CKLF: variants seen among roughly 807,000 people sequenced by gnomAD.
The protein encoded by CKLF is chemokine-like factor.
CKLF carries 16 observed loss-of-function variants against 12.9 expected under a neutral mutation model. The ratio of observed to expected loss-of-function variants is 1.24; its 90% confidence interval spans 0.84 to 1.88. The LOEUF (loss-of-function observed/expected upper bound fraction) is 1.88. Among genes scored for constraint, CKLF ranks in the 40% most tolerant of loss-of-function variants. The probability of loss-of-function intolerance (pLI) is 0.00; values close to 1 mark genes in which losing one functional copy is unlikely to be tolerated. For synonymous variants in CKLF, 61 were observed against 69.0 expected, an observed-to-expected ratio of 0.88 and a Z score of 0.57; for missense variants, 172 against 188.5, an observed-to-expected ratio of 0.91 and a Z score of 0.51.
intron 1 of CKLF, among the ~76,000 whole-genome samples, chr16:66,557,962 C>A (rs545282633): frequency 6.6e-6 from 1 of 152,212 alleles, no homozygotes; most frequent in African/African-American, 2.4e-5. Context: ...ATGGCAGAAA[C>A]CCCAGTATCT....
chr16:66,555,541 C>A (rs2011405996), intron 1 of CKLF, among the ~76,000 whole-genome samples: 1 of 152,166 alleles, frequency 6.6e-6, no homozygotes, highest in Non-Finnish European at 1.5e-5. Context: ...TCACCATCCA[C>A]TGAGATGAGA....
chr16:66,562,781 C>T (rs575050217), intron 2 of CKLF, among the ~76,000 whole-genome samples: 16 of 152,306 alleles, frequency 1.1e-4, no homozygotes, highest in South Asian at 4.1e-4. Context: ...AGTGCAGTGG[C>T]ATGATCTCAG....
chr16:66,565,126 G>A (rs878895792), intron 3 of CKLF, among the ~76,000 whole-genome samples: 1 of 152,192 alleles, frequency 6.6e-6, no homozygotes, highest in Non-Finnish European at 1.5e-5. Context: ...TCAGAACCTA[G>A]GAGGCAGTGG....
intron 2 of CKLF, among the ~76,000 whole-genome samples, chr16:66,559,190 G>A (rs563571211): frequency 6.6e-6 from 1 of 152,294 alleles, no homozygotes; most frequent in Admixed American, 6.5e-5. Context: ...GGATGCCACA[G>A]TGCTAATATC....
At chr16:66,557,857 G>T (rs1398753829) in intron 1 of CKLF, among the ~76,000 whole-genome samples, 1 of 152,104 alleles carries the variant, frequency 6.6e-6, no homozygotes, top group African/African-American at 2.4e-5. Flanking sequence ...ATAATTAATT[G>T]GACTTAAAAC....
chr16:66,565,840 G>T (rs779444474), intron 3 of CKLF, 46 bp from the exon 4 acceptor site: 1 of 1,589,316 alleles, frequency 6.3e-7, no homozygotes, highest in South Asian at 1.1e-5. Flanking sequence ...TGAATGACAG[G>T]AGTGGGGACC....
At chr16:66,554,185 A>G (rs755618075) in intron 1 of CKLF, among the ~76,000 whole-genome samples, 32 of 152,364 alleles carry the variant, frequency 2.1e-4, no homozygotes, top group Non-Finnish European at 3.7e-4. Flanking sequence ...TGGAACAGCA[A>G]AGACGAACCA....
Position 66,565,885 on chromosome 16 carries a change from G to T in CKLF, c.334-1G>T, listed in dbSNP as rs1242276727. 6.2e-7 allele frequency: 1 copy of T among 1,613,788 alleles called. No individual in the cohort carries two copies. The highest frequency in any genetic ancestry group is 8.5e-7 in the Non-Finnish European group (1 of 1,179,832). On this transcript the variant is annotated splice_acceptor_variant, in intron 3 of 3. Coordinates refer to ENST00000264001, the MANE Select transcript of CKLF (RefSeq NM_016951.4). LOFTEE classifies it high-confidence loss of function. ...GCAGTGACACTTGTCTTTCTTTCCA[G>T]GTGTTTGCACTTGTGACAGCAGTAT... is the stretch of plus-strand genomic sequence containing the variant.
rs372025298 is a variant in CKLF at position 66,565,922 on chromosome 16, G to C, written c.370G>C (p.Asp124His). The C allele has an allele frequency of 9.9e-6, 16 of 1,614,084 alleles. 1 individual carries two copies. In the South Asian group the frequency reaches 1.8e-4, roughly 18 times the overall value. The change falls in exon 4 of 4, where the codon GAC becomes CAC. Residue 124 changes from aspartate to histidine, a missense_variant. By Grantham distance (81) the Asp-to-His change is moderately conservative. Coordinates refer to ENST00000264001, the MANE Select transcript of CKLF (RefSeq NM_016951.4). ...ALVTAVCCLA[D>H]GALIYRKLLF... is the part of the protein sequence containing the mutation. ...TGTGACAGCAGTATGCTGTCTTGCC[G>C]ACGGGGCCCTTATTTACCGGAAGCT...
chr16:66,556,646 G>A (rs1187879594), intron 1 of CKLF, among the ~76,000 whole-genome samples: 1 of 152,186 alleles, frequency 6.6e-6, no homozygotes, highest in Non-Finnish European at 1.5e-5. Flanking sequence ...TGGTCCAATA[G>A]AGTAATTGGA....
intron 2 of CKLF, among the ~76,000 whole-genome samples, chr16:66,560,270 GCT>G (rs2011620874): frequency 1.3e-5 from 2 of 152,208 alleles, no homozygotes; most frequent in Non-Finnish European, 2.9e-5. Context: ...GTGAACAAGA[GCT>G]GGGGCAAGAG....
chr16:66,565,704 C>A, intron 3 of CKLF, 182 bp from the exon 4 acceptor site: 1 of 621,974 alleles, frequency 1.6e-6, no homozygotes, highest in Non-Finnish European at 2.9e-6. Flanking sequence ...ATTTAGAAAA[C>A]TTAGCAATGA....
At chr16:66,560,837 ACT>A (rs1555530124) in intron 2 of CKLF, among the ~76,000 whole-genome samples, 5 of 140,866 alleles carry the variant, frequency 3.5e-5, no homozygotes, top group African/African-American at 1.3e-4. Context: ...ACACACACAC[ACT>A]TTCTCTCTCT....
chr16:66,556,412 A>G (rs1278841251), intron 1 of CKLF, among the ~76,000 whole-genome samples: 4 of 152,242 alleles, frequency 2.6e-5, no homozygotes, highest in African/African-American at 9.6e-5. Context: ...CTGAAATATT[A>G]TTAGTGAGAT....
intron 3 of CKLF, among the ~76,000 whole-genome samples, chr16:66,565,053 A>G (rs1821615097): frequency 6.6e-6 from 1 of 152,186 alleles, no homozygotes; most frequent in Non-Finnish European, 1.5e-5. Flanking sequence ...GGTTCCAGGT[A>G]GAGGAGCCAA....
Position 66,565,774 on chromosome 16 carries a change from A to G in CKLF, c.334-112A>G, listed in dbSNP as rs981369084. On this transcript the variant is annotated intron_variant, in intron 3 of 3. Transcript: ENST00000264001. Reference sequence around the variant, plus strand: ...TAGTATTAGATGAAGCACAGGGAGCAATCCGAGTACCCTAGCAAGAGAGGA... The same window carrying G: ...TAGTATTAGATGAAGCACAGGGAGCGATCCGAGTACCCTAGCAAGAGAGGA... 1.6e-5 allele frequency: 15 copies of G among 918,364 alleles called. No individual in the cohort carries two copies. In the Admixed American group the frequency reaches 1.8e-4, roughly 11 times the overall value. 56.9% of individuals were successfully genotyped at this position (918,364 alleles called of 1,614,324 possible). A position where few individuals can be genotyped will look rare whatever the true frequency, so the allele number is the denominator to read the frequency against.
rs1965852721 is a variant in CKLF at position 66,552,738 on chromosome 16, T to C, written c.23T>C (p.Ile8Thr). 1 of 1,614,062 alleles carries C rather than the reference T, an allele frequency of 6.2e-7. No homozygotes were observed. Among genetic ancestry groups the C allele is most frequent in the African/African-American group, 1.3e-5 (1 of 75,016 alleles). MDNVQPK[I>T]KHRPFCFSVK... is the part of the protein sequence containing the mutation. ...GCGATGGATAACGTGCAGCCGAAAA[T>C]AAAACATCGCCCCTTCTGCTTCAGT... The change falls in exon 1 of 4, where the codon ATA becomes ACA. Residue 8 changes from isoleucine (I) to threonine (T), a missense_variant. Physicochemically the swap from Ile to Thr is moderately conservative, Grantham distance 89. Coordinates refer to ENST00000264001, the MANE Select transcript of CKLF (RefSeq NM_016951.4).
At chr16:66,559,063 C>T (rs963062923) in intron 2 of CKLF, among the ~76,000 whole-genome samples, 9 of 152,300 alleles carry the variant, frequency 5.9e-5, no homozygotes, top group Admixed American at 2.0e-4. Flanking sequence ...TTGCAAGTCT[C>T]ATTCCCAGCA....
chr16:66,559,523 T>C (rs2011587403), intron 2 of CKLF, among the ~76,000 whole-genome samples: 1 of 152,230 alleles, frequency 6.6e-6, no homozygotes. Flanking sequence ...AAAGATTTCT[T>C]CAAGAGGATA....
Sources: gnomAD v4.1 joint callset for allele counts (sites outside exome capture counted in the v4.1 genomes callset) on GRCh38, gnomAD v4.1.1 for gene constraint, MANE v1.5 for transcripts, NCBI Gene and HGNC (gene_info 2026-07-23, HGNC 2026-07-21) for gene names.